The following NBPF11 variants were observed in gnomAD, a reference collection of about 807,000 sequenced individuals.
NBPF11 encodes NBPF family member NBPF11.
NBPF11 carries 72 observed loss-of-function variants against 93.9 expected under a neutral mutation model. That is an observed-to-expected ratio of 0.77 (90% confidence interval 0.63 to 0.93). The LOEUF is 0.93. Among genes scored for constraint, NBPF11 ranks in the 40% least tolerant of loss-of-function variants. The pLI, the probability that NBPF11 is intolerant of heterozygous loss-of-function variation, is 0.00. For synonymous variants in NBPF11, 224 were observed against 304.9 expected (o/e 0.73, Z 2.76); for missense variants, 705 against 802.2 (o/e 0.88, Z 1.46).
At chr1:148,119,740 C>G (rs1667397527) in intron 10 of NBPF11, among the ~76,000 whole-genome samples, 1 of 151,980 alleles carries the variant, frequency 6.6e-6, no homozygotes, top group South Asian at 2.1e-4. Context: ...ACTGCAACCT[C>G]AGCCTCCTGG....
chr1:148,149,637 C>T lies in NBPF11; in HGVS notation c.-549+2113G>A. 4 of 1,390,850 alleles carry T rather than the reference C, an allele frequency of 2.9e-6. No individual in the cohort carries two copies. In the South Asian group the frequency reaches 5.0e-5, roughly 17 times the overall value. 86.2% of individuals were successfully genotyped at this position (1,390,850 alleles called of 1,614,324 possible). On this transcript the variant is annotated intron_variant, in intron 1 of 23. Transcript: ENST00000682118. The stretch of plus-strand genomic sequence containing the variant: ...ACCTCACCCCGCGCCGGCCCCCACC[C>T]AGGGGCTGCATGTGGACCCCCCCGG...
chr1:148,117,008 C>T (rs1666723517), intron 12 of NBPF11, among the ~76,000 whole-genome samples: 3 of 152,170 alleles, frequency 2.0e-5, no homozygotes, highest in African/African-American at 7.2e-5. Context: ...ATGGGGAGTG[C>T]TCCAGTCTGA....
intron 2 of NBPF11, among the ~76,000 whole-genome samples, chr1:148,142,042 A>AAGGGAGGGAGGGAGGG (rs1672265051): frequency 6.0e-5 from 7 of 116,698 alleles, no homozygotes; most frequent in Non-Finnish European, 1.2e-4. Flanking sequence ...GGGAGGAAGG[A>AAGGGAGGGAGGGAGGG]AGGCAGGGAG....
chr1:148,139,044 T>C (rs1211396852), intron 2 of NBPF11, among the ~76,000 whole-genome samples: 11 of 151,260 alleles, frequency 7.3e-5, no homozygotes, highest in Non-Finnish European at 1.0e-4. Context: ...TGAGCTGAGA[T>C]GGCGCCGTTG....
chr1:148,137,358 ACAGAAAAAGGGCCC>A (rs1671476789), intron 3 of NBPF11, among the ~76,000 whole-genome samples: 1 of 151,698 alleles, frequency 6.6e-6, no homozygotes, highest in Non-Finnish European at 1.5e-5. Flanking sequence ...GACAGCCAGC[ACAGAAAAAGGGCCC>A]TCAGTCCCCC....
chr1:148,113,296 C>G (rs1367068763), intron 15 of NBPF11, among the ~76,000 whole-genome samples: 1 of 151,350 alleles, frequency 6.6e-6, no homozygotes, highest in Non-Finnish European at 1.5e-5. Context: ...AAATGGAAAG[C>G]AAAAAAACGC....
intron 1 of NBPF11, chr1:148,149,285 A>C (rs1194723227): frequency 6.3e-7 from 1 of 1,596,632 alleles, no homozygotes; most frequent in Non-Finnish European, 8.5e-7. Flanking sequence ...CACCTCGGGC[A>C]TGCGCGTCGC....
chr1:148,138,532 T>C (rs1243694472), intron 2 of NBPF11, among the ~76,000 whole-genome samples: 2 of 151,854 alleles, frequency 1.3e-5, no homozygotes, highest in East Asian at 1.9e-4. Flanking sequence ...TGTCTCTGGG[T>C]ACTTGAGATT....
intron 3 of NBPF11, among the ~76,000 whole-genome samples, chr1:148,137,315 G>T (rs1451240163): frequency 6.6e-6 from 1 of 151,132 alleles, no homozygotes; most frequent in Non-Finnish European, 1.5e-5. Flanking sequence ...AAAGCACGTG[G>T]CCTCTGGAGT....
At chr1:148,122,950 C>A (rs1668228316) in intron 7 of NBPF11, 149 bp from the exon 8 acceptor site, 4 of 1,294,790 alleles carry the variant, frequency 3.1e-6, no homozygotes, top group East Asian at 2.9e-5. Flanking sequence ...AATGCCCTGG[C>A]ATGGTTTCCT....
chr1:148,115,797 G>A lies in NBPF11; in HGVS notation c.1581C>T (p.Ile527=), dbSNP rs1172001212. The part of the protein sequence containing the change: ...HVEWEDAVHI[I]PENESDDEEE... ...CACAAGGAAAACAGAGGCTACCTGG[G>A]ATAATGTGTACAGCATCCTCCCATT... Residue 527 remains isoleucine, a synonymous_variant, in exon 14 of 24, where the codon ATC becomes ATT. Coordinates refer to ENST00000682118, the MANE Select transcript of NBPF11 (RefSeq NM_001385469.3). 3.2e-5 allele frequency: 50 copies of A among 1,580,298 alleles called. No individual in the cohort carries two copies. The highest frequency in any genetic ancestry group is 3.0e-4 in the East Asian group (13 of 43,804).
At chr1:148,113,165 A>C (rs1274496871) in intron 15 of NBPF11, among the ~76,000 whole-genome samples, 1 of 152,068 alleles carries the variant, frequency 6.6e-6, no homozygotes, top group Non-Finnish European at 1.5e-5. Context: ...GTTAAAAAAC[A>C]CAGAATGGCA....
intron 18 of NBPF11, among the ~76,000 whole-genome samples, 179 bp downstream of exon 18, chr1:148,108,303 G>A (rs1571410603): frequency 6.6e-6 from 1 of 151,778 alleles, no homozygotes; most frequent in Non-Finnish European, 1.5e-5. Context: ...CTTGCTCACT[G>A]ACCCATCCCT....
At chr1:148,118,583 A>T (rs1667110782) in intron 11 of NBPF11, 37 bp downstream of exon 11, 21 of 1,581,792 alleles carry the variant, frequency 1.3e-5, no homozygotes, top group Non-Finnish European at 1.6e-5. Flanking sequence ...AGATTTACAC[A>T]CCTGCCCCCC....
intron 1 of NBPF11, chr1:148,149,570 C>G: frequency 6.3e-7 from 1 of 1,593,682 alleles, no homozygotes; most frequent in Non-Finnish European, 8.5e-7. Flanking sequence ...CGCCTAGCGG[C>G]GGCCCCAACC....
At chr1:148,123,746 T>C (rs1668440575) in intron 7 of NBPF11, 107 bp downstream of exon 7, 1 of 1,609,400 alleles carries the variant, frequency 6.2e-7, no homozygotes, top group African/African-American at 1.3e-5. Context: ...CACATATGTG[T>C]AGTAGAAAAA....
intron 4 of NBPF11, among the ~76,000 whole-genome samples, chr1:148,133,344 T>C (rs1670732039): frequency 6.6e-6 from 1 of 152,044 alleles, no homozygotes; most frequent in Non-Finnish European, 1.5e-5. Context: ...CTTAGAGCTC[T>C]AGTATAATGC....
rs1672545861 is a variant in NBPF11 at position 148,143,699 on chromosome 1, A to G, written c.-548-13T>C. On this transcript the variant is annotated splice_polypyrimidine_tract_variant and intron_variant, in intron 1 of 23. Transcript: ENST00000682118. Reference sequence around the variant, plus strand: ...GCCTTCAGAATGCCTATGAGATAAAAGAGAGAAATCAAGGTTAACATTGAG... The same window carrying G: ...GCCTTCAGAATGCCTATGAGATAAAGGAGAGAAATCAAGGTTAACATTGAG... 6.2e-6 allele frequency: 1 copy of G among 160,170 alleles called. No individual in the cohort carries two copies. The highest frequency in any genetic ancestry group is 1.4e-5 in the Non-Finnish European group (1 of 73,976). The allele number at this position is 160,170 out of a possible 1,614,324, so 9.9% of individuals were successfully genotyped here. A position where few individuals can be genotyped will look rare whatever the true frequency, so the allele number is the denominator to read the frequency against.
At chr1:148,124,783 T>A in intron 6 of NBPF11, 116 bp downstream of exon 6, 1 of 934,408 alleles carries the variant, frequency 1.1e-6, no homozygotes, top group South Asian at 1.3e-5. Context: ...GAGCCTGCCA[T>A]GGCAATTTCT....
Sources: gnomAD v4.1 joint callset for allele counts (sites outside exome capture counted in the v4.1 genomes callset) on GRCh38, gnomAD v4.1.1 for gene constraint, MANE v1.5 for transcripts, NCBI Gene and HGNC (gene_info 2026-07-23, HGNC 2026-07-21) for gene names.